Variants in PPARGC1A observed in about 807,000 individuals in gnomAD.
PPARGC1A encodes peroxisome proliferator-activated receptor gamma coactivator 1-alpha.
Under a neutral mutation model 88.7 loss-of-function variants are expected in PPARGC1A, and 25 were observed. That is an observed-to-expected ratio of 0.28 (90% confidence interval 0.21 to 0.39). PPARGC1A has a LOEUF of 0.39. Among genes scored for constraint, PPARGC1A ranks in the 10% least tolerant of loss-of-function variants. The pLI is 1.00. For missense variants in PPARGC1A, 880 were observed against 968.7 expected (o/e 0.91, Z 1.22); for synonymous variants, 363 against 355.6 (o/e 1.02, Z -0.24).
chr4:24,210,413 T>C, the PPARGC1A span, among the ~76,000 whole-genome samples: 2 of 152,214 alleles, frequency 1.3e-5, no homozygotes, highest in Non-Finnish European at 2.9e-5. Flanking sequence ...AATAAACGCA[T>C]GTGGCTTTTA....
chr4:24,089,151 A>G, the PPARGC1A span, among the ~76,000 whole-genome samples: 1 of 152,184 alleles, frequency 6.6e-6, no homozygotes, highest in South Asian at 2.1e-4. Context: ...CATCCATCAC[A>G]ATTCATTCTT....
chr4:24,203,543 A>G, the PPARGC1A span, among the ~76,000 whole-genome samples: 2 of 142,750 alleles, frequency 1.4e-5, no homozygotes, highest in Non-Finnish European at 3.1e-5. Flanking sequence ...AAAGATAGAA[A>G]ACAAAAGAAA....
At chr4:24,389,116 TAAATA>T in the PPARGC1A span, among the ~76,000 whole-genome samples, 8 of 152,146 alleles carry the variant, frequency 5.3e-5, no homozygotes, top group African/African-American at 1.4e-4. Flanking sequence ...TTTACAGTAG[TAAATA>T]AAATAAAATA....
At chr4:24,152,269 G>A in the PPARGC1A span, among the ~76,000 whole-genome samples, 1 of 152,032 alleles carries the variant, frequency 6.6e-6, no homozygotes, top group South Asian at 2.1e-4. Flanking sequence ...GAGCTTTCAG[G>A]GCAAGCTATT....
rs911045923 is a variant in PPARGC1A, at chr4:23,819,899, C to T, written c.877+4381G>A. The stretch of plus-strand genomic sequence containing the variant: ...TGCTATGCTTTTCCTTTTAAAACTA[C>T]CGACAACTACCCATATTTTACTTTG... On this transcript the variant is annotated intron_variant, in intron 7 of 12. Transcript: ENST00000264867. 2.0e-5 allele frequency among the ~76,000 whole-genome samples: 3 copies of T among 152,248 alleles called. No individual in the cohort carries two copies. In the East Asian group the frequency reaches 5.8e-4, roughly 29 times the overall value.
At chr4:24,218,834 T>TAAAA in the PPARGC1A span, among the ~76,000 whole-genome samples, 79 of 152,292 alleles carry the variant, frequency 5.2e-4, no homozygotes, top group Non-Finnish European at 4.7e-4. Flanking sequence ...GATAACCACA[T>TAAAA]TTAGTCTTTT....
At chr4:24,307,550 A>G in the PPARGC1A span, among the ~76,000 whole-genome samples, 1 of 152,186 alleles carries the variant, frequency 6.6e-6, no homozygotes, top group Non-Finnish European at 1.5e-5. Flanking sequence ...AAGCTTAGCT[A>G]TCCCCAAAAT....
At chr4:23,876,761 C>T (rs1468350565) in intron 2 of PPARGC1A, among the ~76,000 whole-genome samples, 8 of 152,078 alleles carry the variant, frequency 5.3e-5, no homozygotes, top group African/African-American at 1.9e-4. Flanking sequence ...ACTCCCTCTA[C>T]AGCCCATTAA....
the PPARGC1A span, among the ~76,000 whole-genome samples, chr4:24,403,751 T>C: frequency 6.6e-6 from 1 of 152,256 alleles, no homozygotes; most frequent in Non-Finnish European, 1.5e-5. Context: ...ATTAAGCTTC[T>C]GCAGTAAATT....
chr4:24,324,892 C>T, the PPARGC1A span, among the ~76,000 whole-genome samples: 19 of 152,222 alleles, frequency 1.2e-4, no homozygotes, highest in Admixed American at 2.6e-4. Flanking sequence ...GACCTCTCCC[C>T]TCCTCGCCAG....
At chr4:24,246,757 C>A in the PPARGC1A span, among the ~76,000 whole-genome samples, 1 of 152,214 alleles carries the variant, frequency 6.6e-6, no homozygotes, top group Non-Finnish European at 1.5e-5. Flanking sequence ...ACGGAACCAT[C>A]TTCCGGGAGC....
chr4:24,112,777 A>G, the PPARGC1A span, among the ~76,000 whole-genome samples: 160 of 152,252 alleles, frequency 1.1e-3, 1 homozygote, highest in African/African-American at 3.6e-3. Flanking sequence ...CAATTCATCC[A>G]CAAATTTAAA....
chr4:24,446,142 C>G, the PPARGC1A span, among the ~76,000 whole-genome samples: 1 of 152,194 alleles, frequency 6.6e-6, no homozygotes, highest in Admixed American at 6.5e-5. Context: ...AGGCAGCTTT[C>G]TCTCAACAGG....
chr4:24,417,047 A>T, the PPARGC1A span, among the ~76,000 whole-genome samples: 2 of 148,080 alleles, frequency 1.4e-5, no homozygotes, highest in African/African-American at 2.5e-5. Context: ...AAAAAAAGGG[A>T]AAGAGTGGAA....
the PPARGC1A span, among the ~76,000 whole-genome samples, chr4:24,120,831 C>A: frequency 6.6e-6 from 1 of 152,152 alleles, no homozygotes; most frequent in Non-Finnish European, 1.5e-5. Flanking sequence ...GAAAATGAGT[C>A]TGCCTTAATC....
intron 2 of PPARGC1A, among the ~76,000 whole-genome samples, chr4:23,856,007 G>A (rs1730128657): frequency 6.6e-6 from 1 of 152,178 alleles, no homozygotes; most frequent in South Asian, 2.1e-4. Context: ...TACTGCACTA[G>A]TGTTATGTCA....
chr4:24,412,895 G>C, the PPARGC1A span, among the ~76,000 whole-genome samples: 1 of 152,210 alleles, frequency 6.6e-6, no homozygotes, highest in Non-Finnish European at 1.5e-5. Flanking sequence ...AGCCTGCAAA[G>C]CATAAAATAT....
the PPARGC1A span, among the ~76,000 whole-genome samples, chr4:23,918,201 C>T: frequency 1.3e-5 from 2 of 151,208 alleles, no homozygotes; most frequent in Non-Finnish European, 2.9e-5. Context: ...TCCGACACAA[C>T]AAAAATAATT....
chr4:24,010,284 G>C, the PPARGC1A span, among the ~76,000 whole-genome samples: 3 of 152,204 alleles, frequency 2.0e-5, no homozygotes, highest in South Asian at 4.2e-4. Context: ...CCAGTACCTA[G>C]AACACAATAG....
Sources: allele counts gnomAD v4.1 joint callset (sites outside exome capture counted in the v4.1 genomes callset), GRCh38; gene constraint gnomAD v4.1.1; transcripts MANE v1.5; gene names NCBI Gene and HGNC (gene_info 2026-07-23, HGNC 2026-07-21).